Variants in CHN2 observed in about 807,000 individuals in gnomAD.
CHN2 encodes beta-chimaerin.
A neutral mutation model predicts 56.3 loss-of-function variants in CHN2; 35 were observed. The observed-to-expected ratio is 0.62, with a 90% CI of 0.47 to 0.82. The LOEUF (loss-of-function observed/expected upper bound fraction) is 0.82. Ranked by LOEUF, CHN2 falls within the 40% of genes least tolerant of loss-of-function variation. The pLI is 0.00. For missense variants in CHN2, 491 were observed against 580.5 expected (o/e 0.85, Z 1.58); for synonymous variants, 210 against 212.8 (o/e 0.99, Z 0.12).
chr7:29,300,818 G>A (rs772928404), intron 1 of CHN2, among the ~76,000 whole-genome samples: 1 of 152,092 alleles, frequency 6.6e-6, no homozygotes, highest in Non-Finnish European at 1.5e-5. Context: ...CATTTAAAAT[G>A]TGATTTATTT....
At chr7:29,187,490 G>A (rs917627679) in intron 2 of CHN2, among the ~76,000 whole-genome samples, 3 of 152,198 alleles carry the variant, frequency 2.0e-5, no homozygotes, top group African/African-American at 4.8e-5. Flanking sequence ...TTGGGAGGCC[G>A]AGGTGGGCGG....
At chr7:29,421,527 T>TATTG (rs751005645) in intron 6 of CHN2, among the ~76,000 whole-genome samples, 18 of 152,354 alleles carry the variant, frequency 1.2e-4, no homozygotes, top group Non-Finnish European at 2.2e-4. Flanking sequence ...GAGAAGTGAC[T>TATTG]ATTGGGACAA....
At chr7:29,287,840 C>T (rs962529840) in intron 1 of CHN2, among the ~76,000 whole-genome samples, 1 of 152,092 alleles carries the variant, frequency 6.6e-6, no homozygotes, top group African/African-American at 2.4e-5. Flanking sequence ...GATTATTGTC[C>T]AGCAATGAGC....
At chr7:29,406,483 A>T (rs751765294) in intron 6 of CHN2, among the ~76,000 whole-genome samples, 3 of 152,092 alleles carry the variant, frequency 2.0e-5, no homozygotes, top group Non-Finnish European at 2.9e-5. Context: ...TGCCATGGGC[A>T]TCCCTGGCAG....
chr7:29,371,998 T>C (rs758941350), intron 3 of CHN2, among the ~76,000 whole-genome samples: 3 of 151,922 alleles, frequency 2.0e-5, no homozygotes, highest in Non-Finnish European at 2.9e-5. Context: ...CACACACACA[T>C]ACACACTCCA....
chr7:29,424,762 G>A (rs1804682696), intron 6 of CHN2, among the ~76,000 whole-genome samples: 1 of 152,192 alleles, frequency 6.6e-6, no homozygotes, highest in Non-Finnish European at 1.5e-5. Flanking sequence ...CAGAGTTTAA[G>A]TACTGCCTCG....
chr7:29,435,028 G>T (rs963931453), intron 6 of CHN2, among the ~76,000 whole-genome samples: 1 of 152,062 alleles, frequency 6.6e-6, no homozygotes, highest in Admixed American at 6.6e-5. Flanking sequence ...GAAAGTCAAG[G>T]CTTCAGTGAG....
chr7:29,502,657 T>C (rs1312449253), intron 9 of CHN2, among the ~76,000 whole-genome samples: 1 of 152,126 alleles, frequency 6.6e-6, no homozygotes, highest in Admixed American at 6.5e-5. Flanking sequence ...CTTTGCTCAG[T>C]GAAGCATGGG....
Position 29,512,729 on chromosome 7 carries a change from A to G in CHN2, c.1401A>G (p.Leu467=), listed in dbSNP as rs751992098. 2 of 1,614,000 alleles carry G rather than the reference A, an allele frequency of 1.2e-6. No homozygotes were observed. The highest frequency in any genetic ancestry group is 1.7e-6 in the Non-Finnish European group (2 of 1,179,956). The change falls in exon 13 of 13, where the codon TTA becomes TTG. Residue 467 remains leucine, a synonymous_variant. Transcript: ENST00000222792. ...TTTTAATAGAAAACGAAGACGTTTT[A>G]TTCTAATCCATCAGGGAAATGAGCT... is the stretch of plus-strand genomic sequence containing the variant. ...VQILIENEDV[L]F
At position 29,255,445 on chromosome 7, in the gene CHN2, GA is replaced by G. The variant is rs531145594; in HGVS notation, c.49+60457del. 6.6e-4 allele frequency among the ~76,000 whole-genome samples: 101 copies of G among 152,192 alleles called. 1 individual carries two copies. Among genetic ancestry groups the G allele is most frequent in the Non-Finnish European group, 1.3e-3 (90 of 68,038 alleles). On this transcript the variant is annotated intron_variant, in intron 1 of 12. Coordinates refer to ENST00000222792, the MANE Select transcript of CHN2 (RefSeq NM_004067.4). ...GGAGACGGAACACCCTCCACACTGA[GA>G]AGCCTTTGTTAGAACCTTCCAGCCA...
chr7:29,163,659 TAACA>T (rs1177446947), intron 2 of CHN2, among the ~76,000 whole-genome samples: 2 of 152,184 alleles, frequency 1.3e-5, no homozygotes, highest in Non-Finnish European at 2.9e-5. Context: ...CATCACAAGA[TAACA>T]AACATTCTCA....
chr7:29,233,820 C>A (rs1386508679), intron 1 of CHN2, among the ~76,000 whole-genome samples: 1 of 122,448 alleles, frequency 8.2e-6, no homozygotes, highest in Non-Finnish European at 1.7e-5. Flanking sequence ...CCTGCCAACA[C>A]CTTGATTTTT....
chr7:29,366,447 A>G (rs376650176), intron 2 of CHN2, among the ~76,000 whole-genome samples: 2 of 152,308 alleles, frequency 1.3e-5, no homozygotes, highest in East Asian at 3.9e-4. Context: ...ATGGAAGCCA[A>G]TGGAAAGAGA....
At chr7:29,492,640 A>G (rs1024794599) in intron 7 of CHN2, among the ~76,000 whole-genome samples, 2 of 152,034 alleles carry the variant, frequency 1.3e-5, no homozygotes, top group African/African-American at 4.8e-5. Flanking sequence ...TTGACTCCAC[A>G]TCTCCCTTGA....
At chr7:29,360,516 G>A (rs547088704) in intron 2 of CHN2, among the ~76,000 whole-genome samples, 25 of 152,184 alleles carry the variant, frequency 1.6e-4, no homozygotes, top group African/African-American at 2.9e-4. Context: ...GCAAAACCCC[G>A]TCTCAAAAAA....
At chr7:29,355,300 C>G (rs967168306) in intron 2 of CHN2, among the ~76,000 whole-genome samples, 1 of 152,048 alleles carries the variant, frequency 6.6e-6, no homozygotes, top group Non-Finnish European at 1.5e-5. Flanking sequence ...CACAGTTGAT[C>G]GGCAAGGACA....
chr7:29,342,244 A>G (rs1309095437), intron 1 of CHN2, among the ~76,000 whole-genome samples: 1 of 152,184 alleles, frequency 6.6e-6, no homozygotes, highest in Non-Finnish European at 1.5e-5. Flanking sequence ...GGATGAACAG[A>G]TGAATGGATG....
chr7:29,458,394 C>T (rs763725796), intron 6 of CHN2, among the ~76,000 whole-genome samples: 12,469 of 151,714 alleles, frequency 0.082, 664 homozygotes, highest in African/African-American at 0.16. Context: ...CACACACACA[C>T]ACACACACAC....
intron 7 of CHN2, among the ~76,000 whole-genome samples, chr7:29,493,413 A>C (rs1303671576): frequency 6.6e-6 from 1 of 152,180 alleles, no homozygotes; most frequent in East Asian, 1.9e-4. Flanking sequence ...CATTCACACA[A>C]TTTTAAATAT....
Sources: allele counts gnomAD v4.1 joint callset (sites outside exome capture counted in the v4.1 genomes callset), GRCh38; gene constraint gnomAD v4.1.1; transcripts MANE v1.5; gene names NCBI Gene and HGNC (gene_info 2026-07-23, HGNC 2026-07-21).